The following USH2A variants were observed in gnomAD, a reference collection of about 807,000 sequenced individuals.
USH2A encodes the protein Usher syndrome 2A (autosomal recessive, mild).
In USH2A, 443 loss-of-function variants were observed where a neutral mutation model predicts 538.9. That is an observed-to-expected ratio of 0.82 (90% CI 0.76 to 0.89). The LOEUF (loss-of-function observed/expected upper bound fraction) is 0.89. Ranked by LOEUF, USH2A falls within the 40% of genes least tolerant of loss-of-function variation. The probability of loss-of-function intolerance (pLI) is 0.00; values close to 1 mark genes in which losing one functional copy is unlikely to be tolerated. For missense variants in USH2A, 6,633 were observed against 6,324.8 expected (o/e 1.05, Z -1.65); for synonymous variants, 2,413 against 2,273.5 (o/e 1.06, Z -1.75).
chr1:216,378,379 G>A (rs1025198329), intron 3 of USH2A, among the ~76,000 whole-genome samples: 2 of 152,050 alleles, frequency 1.3e-5, no homozygotes, highest in African/African-American at 4.8e-5. Context: ...TCCATTCTAT[G>A]TAAATATAAT....
chr1:215,934,923 G>C (rs1666456416), intron 37 of USH2A, 128 bp from the exon 38 acceptor site: 4 of 810,178 alleles, frequency 4.9e-6, no homozygotes, highest in Non-Finnish European at 7.5e-6. Flanking sequence ...CACTCTAAGA[G>C]GCATTACATG....
intron 60 of USH2A, among the ~76,000 whole-genome samples, chr1:215,739,320 C>T (rs1226098635): frequency 6.6e-6 from 1 of 152,164 alleles, no homozygotes; most frequent in Non-Finnish European, 1.5e-5. Flanking sequence ...CAGATGCCAT[C>T]AAATGCTGTC....
intron 32 of USH2A, among the ~76,000 whole-genome samples, chr1:216,038,775 C>T (rs1183276099): frequency 1.3e-5 from 2 of 151,936 alleles, no homozygotes; most frequent in African/African-American, 2.4e-5. Flanking sequence ...AAAATCATAG[C>T]AACTCTCAAA....
intron 3 of USH2A, among the ~76,000 whole-genome samples, chr1:216,371,439 T>C (rs1272662498): frequency 6.6e-6 from 1 of 152,236 alleles, no homozygotes; most frequent in Non-Finnish European, 1.5e-5. Context: ...AATTGCAGGC[T>C]AGATTTTTGG....
intron 35 of USH2A, among the ~76,000 whole-genome samples, chr1:215,991,330 A>T (rs1180726704): frequency 6.6e-6 from 1 of 152,124 alleles, no homozygotes; most frequent in African/African-American, 2.4e-5. Flanking sequence ...TTCTTTGGGT[A>T]TTTGAGGAGA....
rs1164219530 is a variant in USH2A, at chr1:216,165,812, T to TG, written c.4627+9439_4627+9440insC. On this transcript the variant is annotated intron_variant, in intron 21 of 71. Coordinates refer to ENST00000307340, the MANE Select transcript of USH2A (RefSeq NM_206933.4). ...ACATAGATAAGCAAACAACCAGTTT[T>TG]TTTTTTTTTTCAACAGGTGTTTTTG... Among the ~76,000 whole-genome samples, 6 of 151,696 alleles carry TG rather than the reference T, an allele frequency of 4.0e-5. No homozygotes were observed. In the East Asian group the frequency reaches 9.8e-4, roughly 25 times the overall value.
chr1:216,224,453 C>T (rs981452712), intron 14 of USH2A, among the ~76,000 whole-genome samples: 1 of 151,964 alleles, frequency 6.6e-6, no homozygotes. Context: ...ATCATGTTTG[C>T]TTTATGTGTC....
At chr1:216,011,450 C>T (rs904477259) in intron 32 of USH2A, among the ~76,000 whole-genome samples, 1 of 152,172 alleles carries the variant, frequency 6.6e-6, no homozygotes, top group Non-Finnish European at 1.5e-5. Context: ...CATAAAAACA[C>T]ATGTGCTCTC....
intron 20 of USH2A, among the ~76,000 whole-genome samples, chr1:216,188,412 A>G (rs1490400116): frequency 6.6e-6 from 1 of 151,856 alleles, no homozygotes; most frequent in Non-Finnish European, 1.5e-5. Flanking sequence ...CAAGAATTAT[A>G]CTAATAACAG....
intron 11 of USH2A, among the ~76,000 whole-genome samples, chr1:216,258,074 A>G (rs2036293287): frequency 6.6e-6 from 1 of 152,048 alleles, no homozygotes; most frequent in Admixed American, 6.6e-5. Context: ...CTGCTTCTTT[A>G]CATGCCTGAT....
At chr1:216,361,001 A>T (rs900439490) in intron 4 of USH2A, among the ~76,000 whole-genome samples, 2 of 152,156 alleles carry the variant, frequency 1.3e-5, no homozygotes, top group Non-Finnish European at 2.9e-5. Context: ...ATATGAAGAC[A>T]TGTATGAAGT....
intron 21 of USH2A, among the ~76,000 whole-genome samples, chr1:216,145,711 C>A (rs551198305): frequency 6.6e-6 from 1 of 152,210 alleles, no homozygotes; most frequent in East Asian, 1.9e-4. Flanking sequence ...ATATGTCCTG[C>A]CCCACCTTAA....
At chr1:216,378,123 TAAA>T (rs2038870393) in intron 3 of USH2A, among the ~76,000 whole-genome samples, 1 of 152,150 alleles carries the variant, frequency 6.6e-6, no homozygotes, top group Non-Finnish European at 1.5e-5. Flanking sequence ...ATTTGACTCT[TAAA>T]AAGAAAATTA....
At chr1:216,004,482 G>A (rs1052707097) in intron 32 of USH2A, among the ~76,000 whole-genome samples, 4 of 151,996 alleles carry the variant, frequency 2.6e-5, no homozygotes, top group Admixed American at 6.6e-5. Context: ...TCGGCCATCG[G>A]GTATAACAAT....
At chr1:216,078,407 C>T in intron 26 of USH2A, 45 bp from the exon 27 acceptor site, 8 of 1,579,910 alleles carry the variant, frequency 5.1e-6, no homozygotes, top group Non-Finnish European at 6.1e-6. Flanking sequence ...AAAAAGGCTG[C>T]AGAAGGGCAG....
intron 3 of USH2A, among the ~76,000 whole-genome samples, chr1:216,391,484 T>C (rs1467864782): frequency 6.6e-6 from 1 of 152,214 alleles, no homozygotes; most frequent in Non-Finnish European, 1.5e-5. Flanking sequence ...ATAGATTTGA[T>C]TGACAGGTAA....
chr1:215,782,306 T>A, intron 53 of USH2A, 110 bp from the exon 54 acceptor site: 1 of 1,180,816 alleles, frequency 8.5e-7, no homozygotes, highest in Non-Finnish European at 1.2e-6. Flanking sequence ...TAGCTTTATT[T>A]AATTTTAATT....
chr1:215,939,200 A>G (rs955808285), intron 37 of USH2A, among the ~76,000 whole-genome samples: 3 of 152,198 alleles, frequency 2.0e-5, no homozygotes, highest in Admixed American at 2.0e-4. Flanking sequence ...TCCACTGAAG[A>G]TGCAGAGGAA....
chr1:216,150,691 C>T (rs982013623), intron 21 of USH2A, among the ~76,000 whole-genome samples: 8 of 152,070 alleles, frequency 5.3e-5, no homozygotes, highest in African/African-American at 1.7e-4. Flanking sequence ...CGCCCTCCTT[C>T]GCACTTATTT....
Sources: allele counts gnomAD v4.1 joint callset (sites outside exome capture counted in the v4.1 genomes callset), GRCh38; gene constraint gnomAD v4.1.1; transcripts MANE v1.5; gene names NCBI Gene and HGNC (gene_info 2026-07-23, HGNC 2026-07-21).